Variants in ADGRL4 observed in about 807,000 individuals in gnomAD.
ADGRL4 encodes EGF, latrophilin and seven transmembrane domain containing 1.
A neutral mutation model predicts 74.8 loss-of-function variants in ADGRL4; 90 were observed. That is an observed-to-expected ratio of 1.20 (90% CI 1.02 to 1.43). The LOEUF is 1.43. Ranked by LOEUF, ADGRL4 falls within the 40% of genes most tolerant of loss-of-function variation. ADGRL4 has a pLI of 0.00. For missense variants in ADGRL4, 881 were observed against 814.3 expected (o/e 1.08, Z -1.00); for synonymous variants, 311 against 279.2 (o/e 1.11, Z -1.14).
Position 78,938,203 on chromosome 1 carries a change from T to C in ADGRL4, c.473A>G (p.Asp158Gly), listed in dbSNP as rs1408912605. 1.9e-6 allele frequency: 3 copies of C among 1,611,654 alleles called. No individual in the cohort carries two copies. The highest frequency in any genetic ancestry group is 2.5e-6 in the Non-Finnish European group (3 of 1,178,994). The change falls in exon 5 of 15, where the codon GAT becomes GGT. Residue 158 changes from aspartate (D) to glycine (G), a missense_variant. Coordinates refer to ENST00000370742, the MANE Select transcript of ADGRL4 (RefSeq NM_022159.4). The stretch of plus-strand genomic sequence containing the variant: ...TAATATTTCTATATATGTAATTATA[T>C]CTGTTGGTGAAAGATCTGTCACAGA... ...RNSVTDLSPT[D>G]IITYIEILAE...
chr1:78,929,599 C>T (rs1649197211), intron 7 of ADGRL4, among the ~76,000 whole-genome samples: 1 of 151,520 alleles, frequency 6.6e-6, no homozygotes, highest in Non-Finnish European at 1.5e-5. Flanking sequence ...TTAAAGAATG[C>T]ATGTGTTTTA....
In ADGRL4 at chr1:79,005,206, A is replaced by G. The variant is rs962127310; in HGVS notation, c.36T>C (p.Thr12=). The G allele has an allele frequency of 1.2e-6, 2 of 1,607,066 alleles. No homozygotes were observed. The highest frequency in any genetic ancestry group is 8.5e-7 in the Non-Finnish European group (1 of 1,177,670). ...TTTGAGTATAGGAACAATTCAACAA[A>G]GTGGAAAAAACCACTAAATAAAATA... ...KRLPLLVVFS[T]LLNCSYTQNC... Residue 12 remains threonine, a synonymous_variant, in exon 2 of 15, where the codon ACT becomes ACC. Coordinates refer to ENST00000370742, the MANE Select transcript of ADGRL4 (RefSeq NM_022159.4).
intron 2 of ADGRL4, among the ~76,000 whole-genome samples, chr1:78,952,447 T>C (rs1649750405): frequency 6.6e-6 from 1 of 150,880 alleles, no homozygotes; most frequent in South Asian, 2.1e-4. Context: ...AGATCATCAC[T>C]ATCCTTCTCA....
intron 2 of ADGRL4, among the ~76,000 whole-genome samples, chr1:78,997,433 T>G (rs1325727134): frequency 6.6e-6 from 1 of 152,176 alleles, no homozygotes; most frequent in Non-Finnish European, 1.5e-5. Context: ...CTTTGTATCT[T>G]GATACCTCTT....
intron 12 of ADGRL4, among the ~76,000 whole-genome samples, chr1:78,905,591 C>T (rs547204893): frequency 4.0e-5 from 6 of 151,838 alleles, no homozygotes; most frequent in African/African-American, 1.4e-4. Context: ...TGGCTGTATC[C>T]CAATAAAACT....
At chr1:78,917,792 A>G in intron 11 of ADGRL4, 38 bp downstream of exon 11, 1 of 1,598,722 alleles carries the variant, frequency 6.3e-7, no homozygotes, top group South Asian at 1.1e-5. Flanking sequence ...CACATTCAAA[A>G]TCGTATTTCA....
Position 78,921,789 on chromosome 1 carries a change from GA to G in ADGRL4, c.1084-4del, listed in dbSNP as rs1298093757. The G allele has an allele frequency of 1.2e-5, 17 of 1,452,656 alleles. No individual in the cohort carries two copies. Among genetic ancestry groups the G allele is most frequent in the South Asian group, 5.8e-5 (4 of 68,942 alleles). The allele number at this position is 1,452,656 out of a possible 1,614,324, so 90.0% of individuals were successfully genotyped here. Reference sequence around the variant, plus strand: ...AGACTCCTATACCTATCTGTGACCTGAAAAAAAGATACTTTACTGATGAAAA... The same window carrying G: ...AGACTCCTATACCTATCTGTGACCTGAAAAAAGATACTTTACTGATGAAAA... On this transcript the variant is annotated splice_polypyrimidine_tract_variant and splice_region_variant and intron_variant, in intron 8 of 14. Coordinates refer to ENST00000370742, the MANE Select transcript of ADGRL4 (RefSeq NM_022159.4).
intron 2 of ADGRL4, among the ~76,000 whole-genome samples, chr1:79,002,267 A>T (rs988631907): frequency 7.9e-5 from 12 of 152,242 alleles, no homozygotes; most frequent in African/African-American, 2.6e-4. Context: ...ACATCTCAAA[A>T]GTTTTCAAAT....
intron 2 of ADGRL4, among the ~76,000 whole-genome samples, chr1:78,959,833 T>C (rs545217848): frequency 6.6e-6 from 1 of 152,234 alleles, no homozygotes; most frequent in South Asian, 2.1e-4. Context: ...TCACCAAAGG[T>C]GGCCATATAT....
chr1:78,893,535 A>C (rs1243581403), intron 12 of ADGRL4, among the ~76,000 whole-genome samples: 1 of 151,906 alleles, frequency 6.6e-6, no homozygotes, highest in Non-Finnish European at 1.5e-5. Context: ...TCTTTGAAGA[A>C]ATGTGTTAGT....
intron 2 of ADGRL4, among the ~76,000 whole-genome samples, chr1:78,990,577 C>T (rs1022320576): frequency 6.6e-6 from 1 of 151,806 alleles, no homozygotes; most frequent in Non-Finnish European, 1.5e-5. Context: ...GGATTGTTGA[C>T]TATAAAACAA....
intron 8 of ADGRL4, among the ~76,000 whole-genome samples, chr1:78,925,366 A>T (rs970557609): frequency 6.6e-6 from 1 of 152,058 alleles, no homozygotes; most frequent in Non-Finnish European, 1.5e-5. Context: ...AAGTAAAAAA[A>T]CTTAGAATAC....
chr1:78,933,098 A>T (rs183572099), intron 7 of ADGRL4, among the ~76,000 whole-genome samples: 65 of 151,618 alleles, frequency 4.3e-4, no homozygotes, highest in Admixed American at 4.3e-3. Flanking sequence ...CATCATCCTG[A>T]TACCAAAACC....
chr1:79,005,044 C>A, intron 2 of ADGRL4, 26 bp downstream of exon 2: 1 of 1,601,870 alleles, frequency 6.2e-7, no homozygotes, highest in Non-Finnish European at 8.5e-7. Context: ...CAGTATAATC[C>A]AAAAGAAGTA....
At chr1:78,991,058 C>CA (rs529188869) in intron 2 of ADGRL4, among the ~76,000 whole-genome samples, 13 of 152,080 alleles carry the variant, frequency 8.5e-5, no homozygotes, top group Non-Finnish European at 1.8e-4. Flanking sequence ...CTTTAATTAT[C>CA]AAAAATGCAT....
chr1:78,964,302 G>A (rs1280162860), intron 2 of ADGRL4, among the ~76,000 whole-genome samples: 1 of 152,164 alleles, frequency 6.6e-6, no homozygotes, highest in Non-Finnish European at 1.5e-5. Flanking sequence ...AGAGTATGCA[G>A]TTACTGTGTT....
intron 2 of ADGRL4, among the ~76,000 whole-genome samples, chr1:78,967,644 G>A (rs1415304630): frequency 1.3e-5 from 2 of 152,142 alleles, no homozygotes; most frequent in Non-Finnish European, 2.9e-5. Flanking sequence ...TTAATCTTGT[G>A]GAAGAGGTTC....
At chr1:78,913,021 C>A (rs965644703) in intron 12 of ADGRL4, among the ~76,000 whole-genome samples, 1 of 151,854 alleles carries the variant, frequency 6.6e-6, no homozygotes, top group African/African-American at 2.4e-5. Context: ...ACATGGCCAA[C>A]AAGCATATGA....
intron 2 of ADGRL4, among the ~76,000 whole-genome samples, chr1:78,956,490 A>G (rs1254281693): frequency 2.0e-5 from 3 of 152,184 alleles, no homozygotes; most frequent in African/African-American, 4.8e-5. Context: ...TGTGAAAAAC[A>G]GTATTTGTCT....
Sources: gnomAD v4.1 joint callset for allele counts (sites outside exome capture counted in the v4.1 genomes callset) on GRCh38, gnomAD v4.1.1 for gene constraint, MANE v1.5 for transcripts, NCBI Gene and HGNC (gene_info 2026-07-23, HGNC 2026-07-21) for gene names.